The following NLGN4Y variants were observed in gnomAD, a reference collection of about 807,000 sequenced individuals.
NLGN4Y encodes the protein neuroligin 4 Y-linked, also known as neuroligin-4, Y-linked.
NLGN4Y carries 4 observed loss-of-function variants against 8.4 expected under a neutral mutation model. That is an observed-to-expected ratio of 0.48 (90% confidence interval 0.23 to 1.09). The LOEUF (loss-of-function observed/expected upper bound fraction) is 1.09, where lower values mean the gene tolerates loss of function less well. Among genes scored for constraint, NLGN4Y ranks in the 50% least tolerant of loss-of-function variants. The pLI, the probability that NLGN4Y is intolerant of heterozygous loss-of-function variation, is 0.19. For synonymous variants in NLGN4Y, 35 were observed against 75.6 expected (o/e 0.46, Z 2.78); for missense variants, 90 against 192.3 (o/e 0.47, Z 3.15).
intron 4 of NLGN4Y, among the ~76,000 whole-genome samples, chrY:14,792,884 G>A (rs2150580303): frequency 4.2e-5 from 1 of 24,038 alleles, no homozygotes; most frequent in Admixed American, 4.1e-4. Flanking sequence ...GTGTGTGTGT[G>A]TGTGTGTTCA....
chrY:14,577,152 G>C, intron 1 of NLGN4Y, among the ~76,000 whole-genome samples: 2 of 33,576 alleles, frequency 6.0e-5, no homozygotes, highest in African/African-American at 2.3e-4. Context: ...AGTGAGAAAA[G>C]ACAGTCTTAA....
intron 4 of NLGN4Y, among the ~76,000 whole-genome samples, chrY:14,769,683 G>A (rs756510695): frequency 3.1e-5 from 1 of 32,580 alleles, no homozygotes; most frequent in South Asian, 7.2e-4. Context: ...TGGCACCTAG[G>A]ACCCCATTGA....
intron 2 of NLGN4Y, among the ~76,000 whole-genome samples, chrY:14,629,902 C>T: frequency 3.0e-5 from 1 of 33,410 alleles, no homozygotes; most frequent in Non-Finnish European, 7.4e-5. Context: ...GCCAGGCAAG[C>T]TTTAGAGGCT....
chrY:14,754,420 T>G, intron 4 of NLGN4Y, among the ~76,000 whole-genome samples: 1 of 33,545 alleles, frequency 3.0e-5, no homozygotes, highest in African/African-American at 1.2e-4. Context: ...GATAGAAGGC[T>G]TATTCAGATG....
At chrY:14,748,021 T>C (rs760197672) in intron 4 of NLGN4Y, among the ~76,000 whole-genome samples, 6 of 33,421 alleles carry the variant, frequency 1.8e-4, no homozygotes, top group Admixed American at 8.2e-4. Flanking sequence ...ATGATAAAAA[T>C]ATAGATGTAA....
chrY:14,803,571 C>T, intron 4 of NLGN4Y, among the ~76,000 whole-genome samples: 3 of 32,233 alleles, frequency 9.3e-5, no homozygotes, highest in Non-Finnish European at 2.3e-4. Context: ...CTTTATAATG[C>T]CTGAAGCTCT....
chrY:14,679,788 G>A, intron 2 of NLGN4Y, among the ~76,000 whole-genome samples: 1 of 33,335 alleles, frequency 3.0e-5, no homozygotes, highest in Non-Finnish European at 7.4e-5. Context: ...CATAACTGAG[G>A]CTGATTTTGC....
intron 1 of NLGN4Y, among the ~76,000 whole-genome samples, chrY:14,537,039 G>A: frequency 8.8e-5 from 3 of 34,001 alleles, no homozygotes. Context: ...CAACTAAATA[G>A]AGAAGCAGTT....
chrY:14,537,294 A>G, intron 1 of NLGN4Y, among the ~76,000 whole-genome samples: 1 of 33,116 alleles, frequency 3.0e-5, no homozygotes, highest in Non-Finnish European at 7.4e-5. Flanking sequence ...CTGGAAGGGA[A>G]TTTTCCAGCA....
At chrY:14,821,361 G>T in intron 4 of NLGN4Y, among the ~76,000 whole-genome samples, 1 of 33,813 alleles carries the variant, frequency 3.0e-5, no homozygotes, top group Non-Finnish European at 7.3e-5. Context: ...GGTTGCCACT[G>T]CTGGCTGAGT....
At chrY:14,627,286 G>T in intron 2 of NLGN4Y, among the ~76,000 whole-genome samples, 4 of 33,562 alleles carry the variant, frequency 1.2e-4, no homozygotes, top group Admixed American at 1.0e-3. Context: ...CCAGTCCCGT[G>T]CCCCGCGCCT....
intron 1 of NLGN4Y, among the ~76,000 whole-genome samples, chrY:14,597,317 A>G (rs908430079): frequency 3.1e-5 from 1 of 32,372 alleles, no homozygotes; most frequent in Admixed American, 2.8e-4. Context: ...GAAAAAACTA[A>G]CCTTCCACAG....
At chrY:14,524,412 G>A, upstream of NLGN4Y, 1 of 94,142 alleles carries the variant, frequency 1.1e-5, no homozygotes, top group Non-Finnish European at 2.4e-5. Flanking sequence ...CTGCTGACCC[G>A]GGCCGATTTC....
intron 2 of NLGN4Y, among the ~76,000 whole-genome samples, chrY:14,647,995 C>A: frequency 2.9e-5 from 1 of 34,450 alleles, no homozygotes; most frequent in Admixed American, 2.6e-4. Context: ...ATTTTTCCTG[C>A]AAGATTAACA....
At position 14,841,578 on chromosome Y, in the gene NLGN4Y, A is replaced by G. The variant is rs995976311; in HGVS notation, c.*316A>G. On this transcript the variant is annotated 3_prime_UTR_variant, in exon 7 of 7. Coordinates refer to ENST00000684976, the MANE Select transcript of NLGN4Y (RefSeq NM_001365588.1). ...CATTTCAAGGAACTGTGTGTTTCCA[A>G]CATCATGGTAGCAGCACACACTTCC... 7.8e-6 allele frequency: 1 copy of G among 129,011 alleles called. No homozygotes were observed. The highest frequency in any genetic ancestry group is 1.6e-5 in the Non-Finnish European group (1 of 61,090). The allele number at this position is 129,011 out of a possible 400,897, so 32.2% of individuals were successfully genotyped here. A position where few individuals can be genotyped will look rare whatever the true frequency, so the allele number is the denominator to read the frequency against.
intron 4 of NLGN4Y, among the ~76,000 whole-genome samples, chrY:14,814,509 G>A: frequency 3.0e-5 from 1 of 33,356 alleles, no homozygotes; most frequent in Non-Finnish European, 7.4e-5. Flanking sequence ...GCAAGTAATA[G>A]CAAGATGGCT....
At chrY:14,683,733 C>T in intron 2 of NLGN4Y, among the ~76,000 whole-genome samples, 2 of 33,393 alleles carry the variant, frequency 6.0e-5, no homozygotes, top group Non-Finnish European at 1.5e-4. Flanking sequence ...TGTCCTTTCA[C>T]GAAACTCTGA....
chrY:14,767,492 G>A (rs768287575), intron 4 of NLGN4Y, among the ~76,000 whole-genome samples: 88 of 33,477 alleles, frequency 2.6e-3, no homozygotes, highest in Admixed American at 4.9e-3. Context: ...CAGGGAAATT[G>A]AGGTAGGAAA....
At position 14,559,199 on chromosome Y, in the gene NLGN4Y, CA is replaced by C. The variant is rs2080218869; in HGVS notation, c.-112+34495del. Among the ~76,000 whole-genome samples the C allele has an allele frequency of 3.3e-4, 11 of 33,334 alleles. No individual in the cohort carries two copies. In the East Asian group the frequency reaches 8.9e-3, roughly 27 times the overall value. The allele number at this position is 33,334 out of a possible 37,273, so 89.4% of individuals were successfully genotyped here. On this transcript the variant is annotated intron_variant, in intron 1 of 6. Transcript: ENST00000684976. ...GCTCATCTAATCACATCAAGATGAGCAAAAGACCAGTCAAGGGAAGTAAACC... is the reference window on the plus strand; with the variant it reads ...GCTCATCTAATCACATCAAGATGAGCAAAGACCAGTCAAGGGAAGTAAACC...
Sources: gnomAD v4.1 joint callset for allele counts (sites outside exome capture counted in the v4.1 genomes callset) on GRCh38, gnomAD v4.1.1 for gene constraint, MANE v1.5 for transcripts, NCBI Gene and HGNC (gene_info 2026-07-23, HGNC 2026-07-21) for gene names.